Variants in HMCN1 observed in about 807,000 individuals in gnomAD.
The protein encoded by HMCN1 is hemicentin-1.
HMCN1 carries 321 observed loss-of-function variants against 625.9 expected under a neutral mutation model. The observed-to-expected ratio is 0.51, with a 90% CI of 0.47 to 0.56. HMCN1 has a LOEUF of 0.56. Ranked by LOEUF, HMCN1 falls within the 20% of genes least tolerant of loss-of-function variation. The probability of loss-of-function intolerance (pLI) is 0.00; values close to 1 mark genes in which losing one functional copy is unlikely to be tolerated. For missense variants in HMCN1, 6,588 were observed against 6,887.3 expected (o/e 0.96, Z 1.54); for synonymous variants, 2,425 against 2,417.6 (o/e 1.00, Z -0.09).
chr1:186,060,190 T>C (rs1410758724), intron 46 of HMCN1, among the ~76,000 whole-genome samples: 2 of 152,058 alleles, frequency 1.3e-5, no homozygotes. Context: ...AGGTTGCTTA[T>C]AGAAAAAGTT....
At chr1:186,080,486 A>G (rs1214087269) in intron 55 of HMCN1, among the ~76,000 whole-genome samples, 1 of 152,204 alleles carries the variant, frequency 6.6e-6, no homozygotes, top group Non-Finnish European at 1.5e-5. Flanking sequence ...TTCATAACTA[A>G]TGTGTAGCTG....
At chr1:185,808,478 T>C (rs574027643) in intron 1 of HMCN1, among the ~76,000 whole-genome samples, 17 of 152,154 alleles carry the variant, frequency 1.1e-4, no homozygotes, top group Non-Finnish European at 1.9e-4. Context: ...GTGATCATGC[T>C]ACTGCACTGC....
intron 39 of HMCN1, among the ~76,000 whole-genome samples, chr1:186,040,570 A>G (rs1418724735): frequency 3.3e-5 from 5 of 152,160 alleles, no homozygotes; most frequent in South Asian, 2.1e-4. Context: ...TAGAAATACA[A>G]CTGAATCCAT....
At chr1:186,106,796 G>A in intron 69 of HMCN1, 88 bp from the exon 70 acceptor site, 1 of 942,818 alleles carries the variant, frequency 1.1e-6, no homozygotes. Flanking sequence ...TTGGTGTGGG[G>A]TTATTTACAT....
intron 1 of HMCN1, among the ~76,000 whole-genome samples, chr1:185,836,677 G>A (rs977992038): frequency 6.6e-6 from 1 of 152,036 alleles, no homozygotes; most frequent in African/African-American, 2.4e-5. Flanking sequence ...ACATGTGCAG[G>A]TTTGTTTTTA....
chr1:185,941,521 TC>T (rs1410044683), intron 11 of HMCN1, among the ~76,000 whole-genome samples: 1 of 152,190 alleles, frequency 6.6e-6, no homozygotes, highest in Non-Finnish European at 1.5e-5. Context: ...TCCTTTAAAT[TC>T]TTTCTGAACC....
At chr1:186,069,531 C>T in intron 50 of HMCN1, 132 bp from the exon 51 acceptor site, 3 of 705,412 alleles carry the variant, frequency 4.3e-6, no homozygotes, top group Non-Finnish European at 7.8e-6. Flanking sequence ...TATCTTATAT[C>T]ATATGTCCAT....
Position 186,055,462 on chromosome 1 carries a change from C to T in HMCN1, c.6932C>T (p.Ser2311Phe). The T allele has an allele frequency of 1.2e-6, 2 of 1,612,714 alleles. No individual in the cohort carries two copies. Among genetic ancestry groups the T allele is most frequent in the Non-Finnish European group, 1.7e-6 (2 of 1,179,216 alleles). Residue 2311 changes from serine to phenylalanine, a missense_variant, in exon 45 of 107, where the codon TCC (serine) becomes TTC (phenylalanine). Physicochemically the swap from Ser to Phe is radical, Grantham distance 155. Coordinates refer to ENST00000271588, the MANE Select transcript of HMCN1 (RefSeq NM_031935.3). Reference sequence around the variant, plus strand: ...ATTGTGACCCGAGGGAAGAGTATCTCCTTGGAGTGTGAGGTGCAGGGTATT... The same window carrying T: ...ATTGTGACCCGAGGGAAGAGTATCTTCTTGGAGTGTGAGGTGCAGGGTATT... The part of the protein sequence containing the change: ...EIIVTRGKSI[S>F]LECEVQGIPP...
At chr1:186,149,804 ATT>A (rs1650557774) in intron 93 of HMCN1, among the ~76,000 whole-genome samples, 1 of 152,146 alleles carries the variant, frequency 6.6e-6, no homozygotes, top group African/African-American at 2.4e-5. Flanking sequence ...TAGTTTCAAT[ATT>A]GTGTCTCAGC....
chr1:186,032,956 A>C (rs1422488093), intron 36 of HMCN1, among the ~76,000 whole-genome samples: 1 of 152,136 alleles, frequency 6.6e-6, no homozygotes, highest in Non-Finnish European at 1.5e-5. Context: ...AAAAAGACAC[A>C]TGCACATGCA....
chr1:186,024,179 G>T lies in HMCN1; in HGVS notation c.5749+1026G>T, dbSNP rs140844056. Among the ~76,000 whole-genome samples the T allele has an allele frequency of 3.3e-5, 5 of 152,246 alleles. No homozygotes were observed. The East Asian group carries it at 9.7e-4, about 29-fold the overall frequency. On this transcript the variant is annotated intron_variant, in intron 36 of 106. Transcript: ENST00000271588. ...CATGTGGGTCTTTATTCTTTCACTGGATCGTTAGTTGGGAGACGAATATCT... is the reference window on the plus strand; with the variant it reads ...CATGTGGGTCTTTATTCTTTCACTGTATCGTTAGTTGGGAGACGAATATCT...
Position 186,095,378 on chromosome 1 carries a change from G to A in HMCN1, c.10430G>A (p.Gly3477Glu). The A allele has an allele frequency of 1.2e-6, 2 of 1,613,708 alleles. No homozygotes were observed. Among genetic ancestry groups the A allele is most frequent in the South Asian group, 2.2e-5 (2 of 91,088 alleles). ...MAWLRDGQPL[G>E]LDAHLTVSTH... ...TGGCTTAGAGATGGCCAGCCTCTGG[G>A]GCTTGATGCCCATCTGACAGTCAGC... The change falls in exon 68 of 107, where the codon GGG becomes GAG. Residue 3477 changes from glycine (G) to glutamate (E), a missense_variant. Coordinates refer to ENST00000271588, the MANE Select transcript of HMCN1 (RefSeq NM_031935.3).
rs1657659408 is a variant in HMCN1 at position 186,061,087 on chromosome 1, CCTACTTTCTACCT to C, written c.7313-760_7313-748del. 2.0e-5 allele frequency among the ~76,000 whole-genome samples: 3 copies of C among 152,204 alleles called. No individual in the cohort carries two copies. The South Asian group carries it at 6.2e-4, about 32-fold the overall frequency. On this transcript the variant is annotated intron_variant, in intron 46 of 106. Transcript: ENST00000271588. ...TCTGCTTTTGATACCACTTCTCACA[CCTACTTTCTACCT>C]CTATCTATCTCTTCATTCATACTCC...
In HMCN1 at chr1:185,905,970, A is replaced by G. The variant is rs543816931; in HGVS notation, c.622-3367A>G. Among the ~76,000 whole-genome samples, 8 of 151,964 alleles carry G rather than the reference A, an allele frequency of 5.3e-5. No homozygotes were observed. The East Asian group carries it at 7.7e-4, about 15-fold the overall frequency. ...TTTATATTAAAACATTTAATGTACT[A>G]TATAAACAGTTATCTAGGGATTTAA... is the stretch of plus-strand genomic sequence containing the variant. On this transcript the variant is annotated intron_variant, in intron 4 of 106. Transcript: ENST00000271588.
At chr1:185,777,106 T>C (rs906004013) in intron 1 of HMCN1, among the ~76,000 whole-genome samples, 5 of 152,240 alleles carry the variant, frequency 3.3e-5, no homozygotes, top group Non-Finnish European at 5.9e-5. Flanking sequence ...TAATTTTCAA[T>C]ACCCAGGAGG....
intron 1 of HMCN1, among the ~76,000 whole-genome samples, chr1:185,768,239 G>A (rs1230523264): frequency 1.3e-5 from 2 of 152,194 alleles, no homozygotes; most frequent in Non-Finnish European, 2.9e-5. Context: ...ATAGGTGACA[G>A]TAAGTTGGCT....
chr1:186,178,410 G>A lies in HMCN1; in HGVS notation c.15944-6G>A, dbSNP rs1447741038. The A allele has an allele frequency of 5.0e-6, 8 of 1,600,180 alleles. No individual in the cohort carries two copies. The highest frequency in any genetic ancestry group is 2.7e-5 in the African/African-American group (2 of 74,438). ...TTTTCTTTTTTATATCATGGCATAC[G>A]AGCAGACATTAATGAATGTGAACAA... On this transcript the variant is annotated splice_polypyrimidine_tract_variant and splice_region_variant and intron_variant, in intron 103 of 106. Coordinates refer to ENST00000271588, the MANE Select transcript of HMCN1 (RefSeq NM_031935.3).
chr1:185,970,244 C>T, intron 14 of HMCN1, 91 bp from the exon 15 acceptor site: 1 of 1,251,612 alleles, frequency 8.0e-7, no homozygotes, highest in Non-Finnish European at 1.2e-6. Context: ...TTGCAATCAA[C>T]TTTATTTGGA....
intron 66 of HMCN1, among the ~76,000 whole-genome samples, chr1:186,093,872 T>C (rs929841686): frequency 6.6e-6 from 1 of 152,142 alleles, no homozygotes; most frequent in Non-Finnish European, 1.5e-5. Flanking sequence ...TTTCATTTTT[T>C]AGTAAATGTG....
Sources: allele counts gnomAD v4.1 joint callset (sites outside exome capture counted in the v4.1 genomes callset), GRCh38; gene constraint gnomAD v4.1.1; transcripts MANE v1.5; gene names NCBI Gene and HGNC (gene_info 2026-07-23, HGNC 2026-07-21).